Variants in MYO7B observed in about 807,000 individuals in gnomAD.
MYO7B encodes the protein unconventional myosin-VIIb.
In MYO7B, 212 loss-of-function variants were observed where a neutral mutation model predicts 259.7. The ratio of observed to expected loss-of-function variants is 0.82; its 90% CI spans 0.73 to 0.91. MYO7B has a LOEUF of 0.91. Ranked by LOEUF, MYO7B falls within the 40% of genes least tolerant of loss-of-function variation. MYO7B has a pLI of 0.00. For missense variants in MYO7B, 2,732 were observed against 2,813.5 expected (o/e 0.97, Z 0.66); for synonymous variants, 1,197 against 1,166.4 (o/e 1.03, Z -0.54).
At position 127,635,927 on chromosome 2, in the gene MYO7B, A is replaced by C; in HGVS notation, c.6006+20A>C. On this transcript the variant is annotated intron_variant, in intron 44 of 47. Coordinates refer to ENST00000409816, the MANE Select transcript of MYO7B (RefSeq NM_001393586.1). ...AAAAAGGTCCCTGGTCGGGCTGGGG[A>C]AGGGTTCTTGTGCTGCTGCTCCTCC... 1 of 1,555,068 alleles carries C rather than the reference A, an allele frequency of 6.4e-7. No homozygotes were observed. Among genetic ancestry groups the C allele is most frequent in the Non-Finnish European group, 8.7e-7 (1 of 1,149,522 alleles).
rs116406259 is a variant in MYO7B, at chr2:127,624,020, G to A, written c.3820-73G>A. The A allele has an allele frequency of 2.4e-3, 3,387 of 1,387,746 alleles. 78 individuals are homozygous for A. The African/African-American group carries it at 0.044, about 18-fold the overall frequency. The allele number at this position is 1,387,746 out of a possible 1,614,324, so 86.0% of individuals were successfully genotyped here. Reference sequence around the variant, plus strand: ...CAGGCCCTGTCTTCTACGTGCACACGCTGACGGTGGGCGTCCCCGTGGGGT... The same window carrying A: ...CAGGCCCTGTCTTCTACGTGCACACACTGACGGTGGGCGTCCCCGTGGGGT... On this transcript the variant is annotated intron_variant, in intron 29 of 47. Coordinates refer to ENST00000409816, the MANE Select transcript of MYO7B (RefSeq NM_001393586.1).
At position 127,576,055 on chromosome 2, in the gene MYO7B, C is replaced by T. The variant is rs984499747; in HGVS notation, c.736-540C>T. On this transcript the variant is annotated intron_variant, in intron 7 of 47. Coordinates refer to ENST00000409816, the MANE Select transcript of MYO7B (RefSeq NM_001393586.1). This position sits in a 1 kb window ranked among gnomAD's most constrained non-coding sequence, Gnocchi z 4.9. ...CTCTACAAAAAATACAAAACTTAGC[C>T]GGACGTGGTGGTGTGTGCCTGTGAT... 6.6e-6 allele frequency among the ~76,000 whole-genome samples: 1 copy of T among 152,064 alleles called. No homozygotes were observed. Among genetic ancestry groups the T allele is most frequent in the African/African-American group, 2.4e-5 (1 of 41,412 alleles).
rs752218389 is a variant in MYO7B, at chr2:127,584,825, C to T, written c.1602C>T (p.Asn534=). 1.9e-6 allele frequency: 3 copies of T among 1,613,866 alleles called. No individual in the cohort carries two copies. The Admixed American group carries it at 5.0e-5, about 27-fold the overall frequency. The change falls in exon 14 of 48, where the codon AAC becomes AAT. Residue 534 remains asparagine (N), a synonymous_variant. Transcript: ENST00000409816. The surrounding 1 kb of genome is among the most constrained non-coding windows in gnomAD (Gnocchi z 5.8). The part of the protein sequence containing the change: ...MLQKLNSVHA[N]NKAFLQPKNI... ...AAAAGCTGAACAGCGTCCATGCCAA[C>T]AACAAGGCCTTCCTACAGCCCAAGA... is the stretch of plus-strand genomic sequence containing the variant.
At chr2:127,536,768 T>C (rs1692797439) in intron 1 of MYO7B, among the ~76,000 whole-genome samples, 2 of 152,152 alleles carry the variant, frequency 1.3e-5, no homozygotes, top group African/African-American at 4.8e-5. Flanking sequence ...GGATTTTAGT[T>C]CAGAGATTCA....
At chr2:127,610,111 A>G in intron 24 of MYO7B, 95 bp downstream of exon 24, 3 of 1,485,388 alleles carry the variant, frequency 2.0e-6, no homozygotes, top group Non-Finnish European at 2.7e-6. Context: ...ACGGAGAGAC[A>G]AGACCTGGAG....
At chr2:127,551,245 T>G (rs918713798) in intron 1 of MYO7B, among the ~76,000 whole-genome samples, 4 of 152,212 alleles carry the variant, frequency 2.6e-5, no homozygotes, top group Non-Finnish European at 4.4e-5. Flanking sequence ...CACACAGTCT[T>G]CCCTCTGCAT....
chr2:127,634,660 A>G lies in MYO7B; in HGVS notation c.5690A>G (p.Lys1897Arg). The G allele has an allele frequency of 6.2e-7, 1 of 1,612,746 alleles. No individual in the cohort carries two copies. Among genetic ancestry groups the G allele is most frequent in the Non-Finnish European group, 8.5e-7 (1 of 1,179,400 alleles). The change falls in exon 42 of 48, where the codon AAG (lysine) becomes AGG (arginine). Residue 1897 changes from lysine (K) to arginine (R), a missense_variant. Coordinates refer to ENST00000409816, the MANE Select transcript of MYO7B (RefSeq NM_001393586.1). ...TTGAGGGAGGTGTCTGACTGGGTGAAGAAGAACAAGCCCCAGAAAGAAGGT... is the reference window on the plus strand; with the variant it reads ...TTGAGGGAGGTGTCTGACTGGGTGAGGAAGAACAAGCCCCAGAAAGAAGGT... ...DSLREVSDWVKKNKPQKEGAP... is the reference protein window; with the variant it reads ...DSLREVSDWVRKNKPQKEGAP...
Position 127,584,811 on chromosome 2 carries a change from A to AG in MYO7B, c.1589dup (p.Ser530ArgfsTer95). 3 of 1,613,956 alleles carry AG rather than the reference A, an allele frequency of 1.9e-6. No homozygotes were observed. The highest frequency in any genetic ancestry group is 2.5e-6 in the Non-Finnish European group (3 of 1,179,882). Reference sequence around the variant, plus strand: ...TCTCACCATGCTGCAAAAGCTGAACAGCGTCCATGCCAACAACAAGGCCTT... The same window carrying AG: ...TCTCACCATGCTGCAAAAGCTGAACAGGCGTCCATGCCAACAACAAGGCCTT... On this transcript the variant is annotated frameshift_variant, in exon 14 of 48. Coordinates refer to ENST00000409816, the MANE Select transcript of MYO7B (RefSeq NM_001393586.1). LOFTEE classifies it high-confidence loss of function. The surrounding 1 kb of genome is among the most constrained non-coding windows in gnomAD (Gnocchi z 5.8).
At chr2:127,623,875 A>G (rs761312179) in intron 29 of MYO7B, among the ~76,000 whole-genome samples, 2 of 152,168 alleles carry the variant, frequency 1.3e-5, no homozygotes, top group Non-Finnish European at 2.9e-5. Flanking sequence ...TCCTTAGGGA[A>G]GGGGCTGCAG....
chr2:127,633,891 C>CT lies in MYO7B; in HGVS notation c.5512-283dup, dbSNP rs548093113. 4.1e-4 allele frequency among the ~76,000 whole-genome samples: 62 copies of CT among 152,312 alleles called. 1 individual carries two copies. The South Asian group carries it at 0.011, about 27-fold the overall frequency. ...CCAACAGCACAATGGTCTTTTTGGC[C>CT]TTGATATTCGGGTCCCGGTAACAGG... On this transcript the variant is annotated intron_variant, in intron 40 of 47. Coordinates refer to ENST00000409816, the MANE Select transcript of MYO7B (RefSeq NM_001393586.1).
chr2:127,635,199 T>C lies in MYO7B; in HGVS notation c.5793T>C (p.Asn1931=), dbSNP rs778547280. 5 of 1,613,584 alleles carry C rather than the reference T, an allele frequency of 3.1e-6. No homozygotes were observed. In the South Asian group the frequency reaches 3.3e-5, roughly 11 times the overall value. ...WLNISPGKDV[N]ADTILHYHQE... The stretch of plus-strand genomic sequence containing the variant: ...ACATATCTCCAGGGAAGGATGTGAA[T>C]GCAGACACCATACTCCATTACCACC... The change falls in exon 43 of 48, where the codon AAT becomes AAC. Residue 1931 remains asparagine (N), a synonymous_variant. Transcript: ENST00000409816.
chr2:127,564,289 TG>T, intron 3 of MYO7B, 23 bp downstream of exon 3: 1 of 1,531,032 alleles, frequency 6.5e-7, no homozygotes, highest in Non-Finnish European at 8.9e-7. Context: ...GGGTTTCCTC[TG>T]GGCCCTGCCC....
At chr2:127,551,040 G>C (rs191894056) in intron 1 of MYO7B, among the ~76,000 whole-genome samples, 16 of 148,214 alleles carry the variant, frequency 1.1e-4, no homozygotes, top group Non-Finnish European at 1.9e-4. Flanking sequence ...TGTAGTAGTT[G>C]CTTGGGTTGC....
At chr2:127,583,853 G>A (rs1209756987) in intron 12 of MYO7B, among the ~76,000 whole-genome samples, 3 of 152,234 alleles carry the variant, frequency 2.0e-5, no homozygotes, top group Non-Finnish European at 4.4e-5. Flanking sequence ...GCTGTGAGAA[G>A]CTGAAGGCGA....
Position 127,610,221 on chromosome 2 carries a change from G to A in MYO7B, c.3192+205G>A, listed in dbSNP as rs558240527. Among the ~76,000 whole-genome samples the A allele has an allele frequency of 3.9e-5, 6 of 152,208 alleles. No individual in the cohort carries two copies. In the South Asian group the frequency reaches 6.2e-4, roughly 16 times the overall value. On this transcript the variant is annotated intron_variant, in intron 24 of 47. Transcript: ENST00000409816. ...CAGGAGCTCATGAATCCCCATCCCGGGCTTTTTGAATTATACAGTCATTAA... is the reference window on the plus strand; with the variant it reads ...CAGGAGCTCATGAATCCCCATCCCGAGCTTTTTGAATTATACAGTCATTAA...
Position 127,635,771 on chromosome 2 carries a change from C to A in MYO7B, c.5870C>A (p.Ala1957Asp), listed in dbSNP as rs1211930414. ...TTCCACAAGTGTTCGCGGGAGGATG[C>A]CATCCACCTGGCGGGCCTCATCTAC... ...RGFHKCSREDAIHLAGLIYKA... is the reference protein window; with the variant it reads ...RGFHKCSREDDIHLAGLIYKA... The change falls in exon 44 of 48, where the codon GCC (alanine) becomes GAC (aspartate). Residue 1957 changes from alanine (A) to aspartate (D), a missense_variant. By Grantham distance (126) the Ala-to-Asp change is moderately radical. Around this residue, in one of 3 missense-constraint regions of MYO7B, gnomAD observed 821 missense variants for 769.3 expected, o/e 1.07. Transcript: ENST00000409816. The A allele has an allele frequency of 6.2e-7, 1 of 1,601,370 alleles. No homozygotes were observed. Among genetic ancestry groups the A allele is most frequent in the Admixed American group, 1.7e-5 (1 of 58,492 alleles).
At chr2:127,566,587 A>T in intron 4 of MYO7B, 56 bp from the exon 5 acceptor site, 1 of 1,470,244 alleles carries the variant, frequency 6.8e-7, no homozygotes, top group East Asian at 2.5e-5. Flanking sequence ...GGCCAAGGCC[A>T]GGGCCGAGTA....
rs953562559 is a variant in MYO7B at position 127,593,022 on chromosome 2, T to C, written c.2145+76T>C. On this transcript the variant is annotated intron_variant, in intron 17 of 47. Coordinates refer to ENST00000409816, the MANE Select transcript of MYO7B (RefSeq NM_001393586.1). The stretch of plus-strand genomic sequence containing the variant: ...CGGCCTTGGCACCTCCAGCCCCCAG[T>C]ACCGAGGGGGTCTCCCGCTGCCCTC... 5 of 1,510,644 alleles carry C rather than the reference T, an allele frequency of 3.3e-6. No homozygotes were observed. In the Admixed American group the frequency reaches 9.9e-5, roughly 30 times the overall value. 93.6% of individuals were successfully genotyped at this position (1,510,644 alleles called of 1,614,324 possible).
intron 5 of MYO7B, among the ~76,000 whole-genome samples, chr2:127,567,716 C>T (rs1678416635): frequency 6.6e-6 from 1 of 152,152 alleles, no homozygotes; most frequent in Non-Finnish European, 1.5e-5. Context: ...TGTCATGCCC[C>T]AACTGAGTGC....
Sources: allele counts gnomAD v4.1 joint callset (sites outside exome capture counted in the v4.1 genomes callset), GRCh38; gene constraint gnomAD v4.1.1; regional missense constraint gnomAD v4.1.1; non-coding constraint Gnocchi (gnomAD v3.1); transcripts MANE v1.5; gene names NCBI Gene and HGNC (gene_info 2026-07-23, HGNC 2026-07-21).